The following RAB38 variants were observed in gnomAD, a reference collection of about 807,000 sequenced individuals.
The protein encoded by RAB38 is RAB38, member RAS oncogene family, also known as ras-related protein Rab-38.
RAB38 carries 15 observed loss-of-function variants against 18.4 expected under a neutral mutation model. The observed-to-expected ratio is 0.82, with a 90% CI of 0.55 to 1.26. The LOEUF (loss-of-function observed/expected upper bound fraction) is 1.26. Among genes scored for constraint, RAB38 ranks in the 50% most tolerant of loss-of-function variants. RAB38 has a pLI of 0.00. For missense variants in RAB38, 294 were observed against 267.4 expected (o/e 1.10, Z -0.69); for synonymous variants, 101 against 104.4 (o/e 0.97, Z 0.20).
At chr11:87,816,646 CT>C in the RAB38 span, 2 of 151,976 alleles carry the variant, frequency 1.3e-5, no homozygotes, top group Admixed American at 1.3e-4. Flanking sequence ...TATCATTCTC[CT>C]TTTGCCACTG....
the RAB38 span, among the ~76,000 whole-genome samples, chr11:87,976,288 A>ATG: frequency 6.9e-6 from 1 of 144,688 alleles, no homozygotes; most frequent in Non-Finnish European, 1.5e-5. Flanking sequence ...ATATATATAT[A>ATG]TACATACACA....
the RAB38 span, among the ~76,000 whole-genome samples, chr11:88,028,564 G>C: frequency 1.3e-5 from 2 of 152,144 alleles, no homozygotes; most frequent in Non-Finnish European, 2.9e-5. Flanking sequence ...GCCAAGGCTC[G>C]AAAACTACAT....
At chr11:87,871,120 T>C in the RAB38 span, among the ~76,000 whole-genome samples, 8 of 151,716 alleles carry the variant, frequency 5.3e-5, no homozygotes, top group African/African-American at 1.9e-4. Flanking sequence ...ATTATTTTTA[T>C]GTTTAGTTGA....
chr11:88,046,250 C>T, the RAB38 span, among the ~76,000 whole-genome samples: 1 of 152,158 alleles, frequency 6.6e-6, no homozygotes, highest in Non-Finnish European at 1.5e-5. Context: ...CTTTTACAGC[C>T]TAAAACTCTC....
the RAB38 span, among the ~76,000 whole-genome samples, chr11:87,852,669 T>G: frequency 6.6e-6 from 1 of 152,198 alleles, no homozygotes; most frequent in Admixed American, 6.6e-5. Context: ...AAGTATCATT[T>G]ATATCTTCAT....
At chr11:87,976,244 CAT>C in the RAB38 span, among the ~76,000 whole-genome samples, 1 of 142,232 alleles carries the variant, frequency 7.0e-6, no homozygotes, top group Non-Finnish European at 1.5e-5. Context: ...TATACACCTT[CAT>C]ATATGTTATA....
the RAB38 span, among the ~76,000 whole-genome samples, chr11:88,021,783 T>C: frequency 6.9e-6 from 1 of 145,634 alleles, no homozygotes; most frequent in Non-Finnish European, 1.5e-5. Context: ...GGTTTCACAC[T>C]GCTGAGGTTG....
chr11:87,974,135 CAAAAG>C, the RAB38 span, among the ~76,000 whole-genome samples: 1 of 151,740 alleles, frequency 6.6e-6, no homozygotes, highest in Non-Finnish European at 1.5e-5. Flanking sequence ...CATAATCAAG[CAAAAG>C]AAGTCAGAAG....
chr11:87,958,999 A>T, the RAB38 span, among the ~76,000 whole-genome samples: 1 of 152,158 alleles, frequency 6.6e-6, no homozygotes, highest in South Asian at 2.1e-4. Context: ...TAATGAAATG[A>T]TGGAAACACC....
At chr11:87,900,706 A>AGG in the RAB38 span, among the ~76,000 whole-genome samples, 1 of 148,056 alleles carries the variant, frequency 6.8e-6, no homozygotes, top group African/African-American at 2.5e-5. Flanking sequence ...GAAGGAAGGA[A>AGG]AAAGGAAGAG....
At chr11:87,827,972 T>C in the RAB38 span, among the ~76,000 whole-genome samples, 5 of 152,200 alleles carry the variant, frequency 3.3e-5, no homozygotes, top group African/African-American at 1.2e-4. Flanking sequence ...AGTGGAAAAC[T>C]GGTGAAATTC....
the RAB38 span, among the ~76,000 whole-genome samples, chr11:88,064,573 A>C: frequency 1.3e-5 from 2 of 152,244 alleles, no homozygotes; most frequent in Admixed American, 6.5e-5. Context: ...ATAACATGTG[A>C]TAAATAGGCC....
At chr11:88,146,764 C>T (rs573083621) in intron 2 of RAB38, among the ~76,000 whole-genome samples, 4 of 152,292 alleles carry the variant, frequency 2.6e-5, no homozygotes, top group South Asian at 2.1e-4. Context: ...AGAAGGACAA[C>T]CTCAATAGCA....
the RAB38 span, among the ~76,000 whole-genome samples, chr11:88,004,492 A>G: frequency 6.6e-6 from 1 of 151,314 alleles, no homozygotes; most frequent in South Asian, 2.1e-4. Context: ...ATAAAGGACA[A>G]CTATGAAAAA....
At chr11:87,917,579 A>C in the RAB38 span, among the ~76,000 whole-genome samples, 8 of 70,542 alleles carry the variant, frequency 1.1e-4, no homozygotes, top group Non-Finnish European at 1.9e-4. Context: ...AAACATATTT[A>C]TTCCAGGCCA....
At chr11:88,025,219 T>C in the RAB38 span, among the ~76,000 whole-genome samples, 1 of 150,708 alleles carries the variant, frequency 6.6e-6, no homozygotes, top group Non-Finnish European at 1.5e-5. Context: ...ATATTGTGTA[T>C]ATAACTTATG....
At chr11:87,872,866 C>G in the RAB38 span, among the ~76,000 whole-genome samples, 6,594 of 151,574 alleles carry the variant, frequency 0.044, 477 homozygotes, top group African/African-American at 0.15. Context: ...CTCTAAAGGA[C>G]GTATTGTTTA....
At chr11:88,155,850 G>A (rs1943118794) in intron 1 of RAB38, among the ~76,000 whole-genome samples, 1 of 152,150 alleles carries the variant, frequency 6.6e-6, no homozygotes, top group South Asian at 2.1e-4. Flanking sequence ...TTCTAGAATT[G>A]GACAATTCAC....
chr11:88,059,524 C>A, the RAB38 span, among the ~76,000 whole-genome samples: 1 of 152,210 alleles, frequency 6.6e-6, no homozygotes, highest in Non-Finnish European at 1.5e-5. Context: ...ACACAGGCCA[C>A]ATGCTCCTTG....
Sources: gnomAD v4.1 joint callset for allele counts (sites outside exome capture counted in the v4.1 genomes callset) on GRCh38, gnomAD v4.1.1 for gene constraint, MANE v1.5 for transcripts, NCBI Gene and HGNC (gene_info 2026-07-23, HGNC 2026-07-21) for gene names.